TCF4: variants seen among roughly 807,000 people sequenced by gnomAD.
The protein encoded by TCF4 is transcription factor 4, also known as SL3-3 enhancer factor 2.
In TCF4, 3 loss-of-function variants were observed where a neutral mutation model predicts 82.1. The ratio of observed to expected loss-of-function variants is 0.04; its 90% CI spans 0.02 to 0.09. The LOEUF is 0.09. Ranked by LOEUF, TCF4 falls within the 10% of genes least tolerant of loss-of-function variation. TCF4 has a pLI of 1.00. For missense variants in TCF4, 518 were observed against 852.7 expected (o/e 0.61, Z 4.89); for synonymous variants, 276 against 309.6 (o/e 0.89, Z 1.14).
chr18:55,526,090 G>A (rs1189072897), intron 3 of TCF4, among the ~76,000 whole-genome samples: 2 of 152,088 alleles, frequency 1.3e-5, no homozygotes, highest in African/African-American at 4.8e-5. Context: ...TACAATATTT[G>A]TGTGTGTCAT....
chr18:55,530,914 G>GTAGGCATT (rs1195235770), intron 3 of TCF4, among the ~76,000 whole-genome samples: 1 of 151,882 alleles, frequency 6.6e-6, no homozygotes, highest in Non-Finnish European at 1.5e-5. Flanking sequence ...CTGAAACAGA[G>GTAGGCATT]TAGGCATTTT....
chr18:55,505,407 T>C (rs1438148822), intron 3 of TCF4, among the ~76,000 whole-genome samples: 6 of 152,190 alleles, frequency 3.9e-5, no homozygotes, highest in South Asian at 2.1e-4. Context: ...CTAACACTTA[T>C]GCTGGGTACT....
At chr18:55,557,181 T>G (rs2097311845) in intron 3 of TCF4, among the ~76,000 whole-genome samples, 1 of 152,214 alleles carries the variant, frequency 6.6e-6, no homozygotes, top group Non-Finnish European at 1.5e-5. Context: ...TACTGCTTCT[T>G]TATCCAAATC....
chr18:55,435,064 G>A (rs2095300663), intron 5 of TCF4, among the ~76,000 whole-genome samples: 1 of 151,570 alleles, frequency 6.6e-6, no homozygotes, highest in Non-Finnish European at 1.5e-5. Flanking sequence ...AGCCATTAAG[G>A]TCAAGTATTC....
At chr18:55,302,599 G>C in intron 8 of TCF4, 1 of 1,529,706 alleles carries the variant, frequency 6.5e-7, no homozygotes, top group South Asian at 1.2e-5. Context: ...AGGGAGAGAG[G>C]GAACTTCATG....
intron 8 of TCF4, among the ~76,000 whole-genome samples, chr18:55,343,126 C>T (rs946109903): frequency 1.1e-4 from 17 of 151,998 alleles, no homozygotes; most frequent in South Asian, 4.2e-4. Context: ...GTGTATGTGA[C>T]GAATGACACC....
At chr18:55,345,211 A>G (rs1273143669) in intron 8 of TCF4, among the ~76,000 whole-genome samples, 1 of 151,906 alleles carries the variant, frequency 6.6e-6, no homozygotes, top group Admixed American at 6.6e-5. Context: ...AGATTCTCCT[A>G]TATTTTTTCA....
chr18:55,334,817 G>A (rs1487004556), intron 8 of TCF4, among the ~76,000 whole-genome samples: 3 of 151,644 alleles, frequency 2.0e-5, no homozygotes, highest in African/African-American at 4.8e-5. Context: ...TGACTAAGAA[G>A]CTCAGAGGCA....
chr18:55,574,320 A>G (rs919700952), intron 3 of TCF4, among the ~76,000 whole-genome samples: 5 of 152,086 alleles, frequency 3.3e-5, no homozygotes, highest in African/African-American at 1.2e-4. Flanking sequence ...ATATTTCAAC[A>G]TATTTTATTT....
intron 6 of TCF4, among the ~76,000 whole-genome samples, chr18:55,384,732 G>C (rs1049431072): frequency 6.6e-6 from 1 of 151,274 alleles, no homozygotes; most frequent in African/African-American, 2.5e-5. Context: ...TTCTCCTCTA[G>C]CCACCAGGGG....
intron 8 of TCF4, among the ~76,000 whole-genome samples, chr18:55,296,662 C>T (rs915270175): frequency 1.3e-5 from 2 of 152,110 alleles, no homozygotes; most frequent in African/African-American, 4.8e-5. Flanking sequence ...TCAAAGAGGG[C>T]CACATCAGTG....
chr18:55,322,540 G>C (rs1467378720), intron 8 of TCF4, among the ~76,000 whole-genome samples: 1 of 151,750 alleles, frequency 6.6e-6, no homozygotes, highest in Non-Finnish European at 1.5e-5. Flanking sequence ...GTTGCGGAAT[G>C]AAACAGAGTA....
At chr18:55,600,782 C>A (rs2097696011) in intron 2 of TCF4, among the ~76,000 whole-genome samples, 1 of 152,150 alleles carries the variant, frequency 6.6e-6, no homozygotes, top group Non-Finnish European at 1.5e-5. Context: ...AGCCACAGAT[C>A]AAAAATACTG....
chr18:55,373,305 T>C (rs1291872566), intron 6 of TCF4, among the ~76,000 whole-genome samples: 4 of 152,050 alleles, frequency 2.6e-5, no homozygotes, highest in Non-Finnish European at 5.9e-5. Flanking sequence ...AAGTTGGATA[T>C]TTCATACTGA....
intron 8 of TCF4, chr18:55,332,152 C>T (rs1187380102): frequency 6.6e-6 from 1 of 152,058 alleles, no homozygotes. Context: ...CAATTATAAA[C>T]ATTTTCTTAG....
In TCF4 at chr18:55,279,672, C is replaced by A. The variant is rs1568654542; in HGVS notation, c.550-16G>T. 1 of 1,613,710 alleles carries A rather than the reference C, an allele frequency of 6.2e-7. No homozygotes were observed. Among genetic ancestry groups the A allele is most frequent in the Non-Finnish European group, 8.5e-7 (1 of 1,179,762 alleles). On this transcript the variant is annotated splice_polypyrimidine_tract_variant and intron_variant, in intron 8 of 19. Transcript: ENST00000354452. ...GAGCATAGACCTGAGGAGAAAGAAC[C>A]AACTGAGTTTTGCTTTTTGCATTGA... is the stretch of plus-strand genomic sequence containing the variant.
intron 3 of TCF4, among the ~76,000 whole-genome samples, chr18:55,574,806 CTGAATGAATGAA>C (rs551154556): frequency 6.6e-6 from 1 of 151,652 alleles, no homozygotes; most frequent in Non-Finnish European, 1.5e-5. Flanking sequence ...AAAACTTTCA[CTGAATGAATGAA>C]TGAATGAATG....
intron 1 of TCF4, among the ~76,000 whole-genome samples, chr18:55,634,406 T>C (rs1243282162): frequency 2.0e-5 from 3 of 152,260 alleles, no homozygotes; most frequent in Non-Finnish European, 4.4e-5. Context: ...TTCTGTTTTT[T>C]TAGTTGTGAA....
chr18:55,304,596 CAT>C (rs1328065249), intron 8 of TCF4, among the ~76,000 whole-genome samples: 3 of 152,106 alleles, frequency 2.0e-5, no homozygotes, highest in African/African-American at 7.2e-5. Context: ...CAACAACGAA[CAT>C]ATCACACGAG....
Sources: gnomAD v4.1 joint callset for allele counts (sites outside exome capture counted in the v4.1 genomes callset) on GRCh38, gnomAD v4.1.1 for gene constraint, MANE v1.5 for transcripts, NCBI Gene and HGNC (gene_info 2026-07-23, HGNC 2026-07-21) for gene names.